L3MBTL4: variants seen among roughly 807,000 people sequenced by gnomAD.
L3MBTL4 encodes L3MBTL histone methyl-lysine binding protein 4, also known as lethal(3)malignant brain tumor-like protein 4.
Under a neutral mutation model 84.5 loss-of-function variants are expected in L3MBTL4, and 70 were observed. That is an observed-to-expected ratio of 0.83 (90% CI 0.68 to 1.01). L3MBTL4 has a LOEUF of 1.01. Among genes scored for constraint, L3MBTL4 ranks in the 50% least tolerant of loss-of-function variants. L3MBTL4 has a pLI of 0.00. For missense variants in L3MBTL4, 715 were observed against 754.8 expected, an observed-to-expected ratio of 0.95 and a Z score of 0.62; for synonymous variants, 274 against 259.8, an observed-to-expected ratio of 1.05 and a Z score of -0.52.
chr18:6,090,591 TATACAC>T (rs748876736), intron 15 of L3MBTL4, among the ~76,000 whole-genome samples: 6,679 of 128,322 alleles, frequency 0.052, 193 homozygotes, highest in African/African-American at 0.12. Context: ...ATATTATATA[TATACAC>T]ACACACACAC....
chr18:6,335,032 C>T (rs1280136030), intron 1 of L3MBTL4, among the ~76,000 whole-genome samples: 1 of 152,184 alleles, frequency 6.6e-6, no homozygotes, highest in Non-Finnish European at 1.5e-5. Flanking sequence ...CTCTCCAAAG[C>T]TTGTCTTTCT....
intron 15 of L3MBTL4, among the ~76,000 whole-genome samples, chr18:6,087,364 G>A (rs972925297): frequency 6.6e-6 from 1 of 152,164 alleles, no homozygotes; most frequent in Non-Finnish European, 1.5e-5. Context: ...CAACAGTGCT[G>A]ATGAAATAGC....
At chr18:5,967,317 T>C (rs1272183831) in intron 17 of L3MBTL4, among the ~76,000 whole-genome samples, 1 of 152,216 alleles carries the variant, frequency 6.6e-6, no homozygotes, top group Non-Finnish European at 1.5e-5. Context: ...GTATCTCAAC[T>C]TCCCCATGAG....
intron 12 of L3MBTL4, among the ~76,000 whole-genome samples, chr18:6,199,298 C>T (rs146453926): frequency 9.7e-4 from 148 of 152,320 alleles, no homozygotes; most frequent in Non-Finnish European, 4.3e-4. Flanking sequence ...CACCATCCAA[C>T]GTAACAGCCA....
At chr18:6,199,822 C>A (rs1292927408) in intron 12 of L3MBTL4, among the ~76,000 whole-genome samples, 2 of 152,222 alleles carry the variant, frequency 1.3e-5, no homozygotes, top group East Asian at 3.9e-4. Context: ...TGTTGTAGCA[C>A]AAAATTTGCT....
At position 6,125,894 on chromosome 18, in the gene L3MBTL4, G is replaced by A. The variant is rs72874060; in HGVS notation, c.1199+12300C>T. 6.1e-3 allele frequency among the ~76,000 whole-genome samples: 923 copies of A among 152,286 alleles called. 10 individuals are homozygous for A. Among genetic ancestry groups the A allele is most frequent in the South Asian group, 0.011 (54 of 4,830 alleles). ...ATATGAGACAAAGAAGTAGTCAAGG[G>A]AAAACACAGGACTAAGAGTCATTTC... On this transcript the variant is annotated intron_variant, in intron 14 of 18. Coordinates refer to ENST00000317931, the MANE Select transcript of L3MBTL4 (RefSeq NM_001330559.2).
At chr18:6,060,087 C>T (rs771831707) in intron 16 of L3MBTL4, among the ~76,000 whole-genome samples, 65 of 152,096 alleles carry the variant, frequency 4.3e-4, no homozygotes, top group Admixed American at 2.8e-3. Context: ...TTTATGTTGT[C>T]TTACAACTCT....
At chr18:6,030,550 G>A (rs2055740947) in intron 16 of L3MBTL4, 1 of 835,986 alleles carries the variant, frequency 1.2e-6, no homozygotes, top group Non-Finnish European at 1.4e-6. Context: ...CCAGGCTGGT[G>A]ATGTACAGTG....
intron 1 of L3MBTL4, among the ~76,000 whole-genome samples, chr18:6,337,568 G>A (rs2052403439): frequency 6.6e-6 from 1 of 151,978 alleles, no homozygotes; most frequent in African/African-American, 2.4e-5. Flanking sequence ...TAAAGCATGG[G>A]AAGTCAAGAC....
chr18:6,195,340 G>C (rs1315963612), intron 12 of L3MBTL4, among the ~76,000 whole-genome samples: 2 of 152,180 alleles, frequency 1.3e-5, no homozygotes, highest in African/African-American at 2.4e-5. Context: ...GTGGATGTCC[G>C]CTACCCTGTG....
At chr18:6,242,556 T>G (rs943817384) in intron 7 of L3MBTL4, among the ~76,000 whole-genome samples, 1 of 152,216 alleles carries the variant, frequency 6.6e-6, no homozygotes, top group Non-Finnish European at 1.5e-5. Context: ...CCTCAAGGAC[T>G]CTGCCATCAG....
At position 6,216,334 on chromosome 18, in the gene L3MBTL4, T is replaced by C. The variant is rs373147377; in HGVS notation, c.785-499A>G. Among the ~76,000 whole-genome samples, 45 of 152,348 alleles carry C rather than the reference T, an allele frequency of 3.0e-4. No individual in the cohort carries two copies. In the East Asian group the frequency reaches 7.9e-3, roughly 27 times the overall value. The stretch of plus-strand genomic sequence containing the variant: ...TTTCCTAAAATTGCAGTTAAAACTA[T>C]ATATTGAACATGATATAAAGAACTC... On this transcript the variant is annotated intron_variant, in intron 10 of 18. Transcript: ENST00000317931.
chr18:6,266,662 C>G (rs887560696), intron 4 of L3MBTL4, among the ~76,000 whole-genome samples: 1 of 152,182 alleles, frequency 6.6e-6, no homozygotes, highest in Non-Finnish European at 1.5e-5. Flanking sequence ...CAGTGGCTTA[C>G]ACCTGTAATC....
intron 16 of L3MBTL4, among the ~76,000 whole-genome samples, chr18:5,993,111 G>A (rs957423355): frequency 2.0e-5 from 3 of 152,178 alleles, no homozygotes; most frequent in Admixed American, 1.3e-4. Flanking sequence ...TGGTGACCTC[G>A]TGGCCTGTTC....
At chr18:5,960,025 CAT>C (rs200564933) in intron 18 of L3MBTL4, 67 bp downstream of exon 18, 480 of 252,474 alleles carry the variant, frequency 1.9e-3, no homozygotes, top group East Asian at 3.2e-3. Flanking sequence ...TATATATATA[CAT>C]ATATATATAT....
chr18:6,312,864 C>A (rs1362973892), intron 1 of L3MBTL4, among the ~76,000 whole-genome samples: 1 of 152,152 alleles, frequency 6.6e-6, no homozygotes, highest in East Asian at 1.9e-4. Flanking sequence ...AAGTTCTTTG[C>A]AAAGCAAGGT....
chr18:6,120,187 G>A (rs2144294794), intron 14 of L3MBTL4, among the ~76,000 whole-genome samples: 1 of 152,288 alleles, frequency 6.6e-6, no homozygotes, highest in Middle Eastern at 3.4e-3. Context: ...ACTCAACTGT[G>A]CAACACTCGG....
chr18:6,410,153 T>TC (rs2055905804), intron 1 of L3MBTL4, among the ~76,000 whole-genome samples: 1 of 152,308 alleles, frequency 6.6e-6, no homozygotes, highest in Admixed American at 6.5e-5. Flanking sequence ...GGCCCTGCCC[T>TC]CCTGTCTCAG....
At chr18:6,104,687 T>C (rs2058942933) in intron 14 of L3MBTL4, among the ~76,000 whole-genome samples, 1 of 152,204 alleles carries the variant, frequency 6.6e-6, no homozygotes, top group Admixed American at 6.5e-5. Flanking sequence ...ATACTGTATT[T>C]GTACATTAAA....
Sources: gnomAD v4.1 joint callset for allele counts (sites outside exome capture counted in the v4.1 genomes callset) on GRCh38, gnomAD v4.1.1 for gene constraint, MANE v1.5 for transcripts, NCBI Gene and HGNC (gene_info 2026-07-23, HGNC 2026-07-21) for gene names.